Variants in DIP2C observed in about 807,000 individuals in gnomAD.
DIP2C encodes disco-interacting protein 2 homolog C.
Under a neutral mutation model 192.4 loss-of-function variants are expected in DIP2C, and 33 were observed. That is an observed-to-expected ratio of 0.17 (90% CI 0.13 to 0.23). The LOEUF is 0.23. Ranked by LOEUF, DIP2C falls within the 10% of genes least tolerant of loss-of-function variation. DIP2C has a pLI of 1.00. For synonymous variants in DIP2C, 979 were observed against 864.1 expected (o/e 1.13, Z -2.33); for missense variants, 1,537 against 2,110.1 (o/e 0.73, Z 5.32).
chr10:601,473 G>A (rs1852069029), intron 1 of DIP2C, among the ~76,000 whole-genome samples: 1 of 152,204 alleles, frequency 6.6e-6, no homozygotes, highest in African/African-American at 2.4e-5. Context: ...GGATGTGGTG[G>A]GTTGGCTCAC....
intron 18 of DIP2C, among the ~76,000 whole-genome samples, chr10:366,890 A>G (rs764697358): frequency 1.3e-5 from 2 of 152,188 alleles, no homozygotes; most frequent in Non-Finnish European, 2.9e-5. Context: ...TTCAATGCTG[A>G]TAAGTTCTCA....
chr10:676,132 A>C (rs1343645737), intron 1 of DIP2C, among the ~76,000 whole-genome samples: 1 of 152,232 alleles, frequency 6.6e-6, no homozygotes, highest in Non-Finnish European at 1.5e-5. Context: ...AACACGCTAC[A>C]TCACATCAAC....
chr10:407,242 G>C (rs1005536816), intron 9 of DIP2C, among the ~76,000 whole-genome samples: 2 of 152,202 alleles, frequency 1.3e-5, no homozygotes, highest in Admixed American at 1.3e-4. Context: ...CCTGTTTTGT[G>C]TCTGGCTTAC....
chr10:684,292 C>G (rs1191748323), intron 1 of DIP2C, among the ~76,000 whole-genome samples: 5 of 152,174 alleles, frequency 3.3e-5, no homozygotes, highest in African/African-American at 4.8e-5. Context: ...ATGCAGGTAG[C>G]CATCTCATTC....
intron 26 of DIP2C, among the ~76,000 whole-genome samples, chr10:348,070 C>CA (rs1958605866): frequency 6.6e-6 from 1 of 152,132 alleles, no homozygotes; most frequent in Non-Finnish European, 1.5e-5. Flanking sequence ...GACGCGTCGC[C>CA]ACACTTTCTA....
rs1959761674 is a variant in DIP2C, at chr10:363,321, C to T, written c.2478-10G>A. 2.5e-6 allele frequency: 4 copies of T among 1,609,642 alleles called. No homozygotes were observed. In the African/African-American group the frequency reaches 4.0e-5, roughly 16 times the overall value. ...CGAGAACACGGCTATCCTGCGGGGA[C>T]ACAGGAGCATGGTGAGCACGCGCCG... On this transcript the variant is annotated splice_polypyrimidine_tract_variant and intron_variant, in intron 20 of 36. Transcript: ENST00000280886. This position sits in a 1 kb window ranked among gnomAD's most constrained non-coding sequence, Gnocchi z 5.4.
intron 4 of DIP2C, among the ~76,000 whole-genome samples, chr10:426,277 C>T (rs1014582353): frequency 2.6e-5 from 4 of 152,132 alleles, no homozygotes; most frequent in African/African-American, 7.2e-5. Flanking sequence ...CTCAGCCAAA[C>T]TTCTAACAAA....
At chr10:644,196 G>C (rs1418816616) in intron 1 of DIP2C, among the ~76,000 whole-genome samples, 1 of 152,244 alleles carries the variant, frequency 6.6e-6, no homozygotes, top group South Asian at 2.1e-4. Flanking sequence ...GGAGAACAGA[G>C]AATGTGCACC....
At chr10:486,388 C>G in intron 2 of DIP2C, 71 bp downstream of exon 2, 1 of 1,415,102 alleles carries the variant, frequency 7.1e-7, no homozygotes, top group South Asian at 1.5e-5. Context: ...GCGTCTGCCT[C>G]CAGATGTTTC....
intron 2 of DIP2C, among the ~76,000 whole-genome samples, chr10:476,548 C>CAG (rs1843046361): frequency 6.6e-6 from 1 of 152,208 alleles, no homozygotes; most frequent in Admixed American, 6.5e-5. Flanking sequence ...CAAGGAAATG[C>CAG]AGGTGCAGAA....
chr10:355,498 T>C (rs748666741), intron 24 of DIP2C, among the ~76,000 whole-genome samples: 1 of 152,244 alleles, frequency 6.6e-6, no homozygotes, highest in Non-Finnish European at 1.5e-5. Flanking sequence ...TTTTGAAGAG[T>C]TGCAAGTACC....
At chr10:595,195 A>T (rs73588170) in intron 1 of DIP2C, among the ~76,000 whole-genome samples, 1 of 152,160 alleles carries the variant, frequency 6.6e-6, no homozygotes, top group Non-Finnish European at 1.5e-5. Context: ...GTCTCAAAAC[A>T]AAGAAAATAC....
rs540129023 is a variant in DIP2C, at chr10:303,525, T to C, written c.3986+6506A>G. 3.7e-4 allele frequency among the ~76,000 whole-genome samples: 56 copies of C among 151,936 alleles called. No homozygotes were observed. In the South Asian group the frequency reaches 0.011, roughly 31 times the overall value. On this transcript the variant is annotated intron_variant, in intron 32 of 36. Coordinates refer to ENST00000280886, the MANE Select transcript of DIP2C (RefSeq NM_014974.3). ...TTTTCTATTAAAAGTTTTTTACTTT[T>C]TTTTTTTCTTTTTTTGAGACAGAGT...
intron 2 of DIP2C, among the ~76,000 whole-genome samples, chr10:482,435 C>T (rs866291930): frequency 6.6e-6 from 1 of 152,146 alleles, no homozygotes; most frequent in African/African-American, 2.4e-5. Context: ...ACGGATACCT[C>T]TTCCCTGGAG....
Position 575,341 on chromosome 10 carries a change from T to G in DIP2C, c.86-88811A>C, listed in dbSNP as rs377029634. On this transcript the variant is annotated intron_variant, in intron 1 of 36. Transcript: ENST00000280886. Reference sequence around the variant, plus strand: ...TCATTTGAGGATCATATACATTAACTGAAGTTTTCAAATGAAGGGACTGGT... The same window carrying G: ...TCATTTGAGGATCATATACATTAACGGAAGTTTTCAAATGAAGGGACTGGT... 3.4e-4 allele frequency among the ~76,000 whole-genome samples: 52 copies of G among 152,312 alleles called. 1 individual carries two copies. The highest frequency in any genetic ancestry group is 1.3e-3 in the African/African-American group (52 of 41,562).
intron 1 of DIP2C, among the ~76,000 whole-genome samples, chr10:568,784 A>AAAAAACAAAC (rs1564208273): frequency 2.3e-4 from 33 of 145,516 alleles, no homozygotes; most frequent in African/African-American, 8.1e-4. Context: ...AAAAAAAAAA[A>AAAAAACAAAC]AAAAAAAAAA....
In DIP2C at chr10:521,798, C is replaced by T. The variant is rs147374256; in HGVS notation, c.86-35268G>A. ...AATAGACTTTTTAAAAAGCGGTTTT[C>T]GGTTCATAGCAAAATCGGGAGGAAA... is the stretch of plus-strand genomic sequence containing the variant. On this transcript the variant is annotated intron_variant, in intron 1 of 36. Coordinates refer to ENST00000280886, the MANE Select transcript of DIP2C (RefSeq NM_014974.3). 1.7e-4 allele frequency among the ~76,000 whole-genome samples: 26 copies of T among 152,262 alleles called. 1 individual carries two copies. The East Asian group carries it at 3.3e-3, about 19-fold the overall frequency.
chr10:557,198 C>G, intron 1 of DIP2C, among the ~76,000 whole-genome samples: 2 of 152,208 alleles, frequency 1.3e-5, no homozygotes, highest in Non-Finnish European at 2.9e-5. Flanking sequence ...CACAGAGGGA[C>G]CGGTGTGGAG....
chr10:460,200 A>C (rs1969660253), intron 3 of DIP2C, among the ~76,000 whole-genome samples: 2 of 152,190 alleles, frequency 1.3e-5, no homozygotes, highest in African/African-American at 2.4e-5. Context: ...TGGGCACAAC[A>C]CAAGTCTCCA....
Sources: gnomAD v4.1 joint callset for allele counts (sites outside exome capture counted in the v4.1 genomes callset) on GRCh38, gnomAD v4.1.1 for gene constraint, Gnocchi (gnomAD v3.1) non-coding constraint, MANE v1.5 for transcripts, NCBI Gene and HGNC (gene_info 2026-07-23, HGNC 2026-07-21) for gene names.